The following ZNRF2 variants were observed in gnomAD, a reference collection of about 807,000 sequenced individuals.
ZNRF2 encodes E3 ubiquitin-protein ligase ZNRF2.
A neutral mutation model predicts 20.4 loss-of-function variants in ZNRF2; 16 were observed. The observed-to-expected ratio is 0.79, with a 90% CI of 0.53 to 1.19. The LOEUF (loss-of-function observed/expected upper bound fraction) is 1.19. ZNRF2 is among the 50% of genes most tolerant of loss of function. The pLI is 0.00. For missense variants in ZNRF2, 363 were observed against 332.4 expected (o/e 1.09, Z -0.72); for synonymous variants, 178 against 144.9 (o/e 1.23, Z -1.64).
rs1230389893 is a variant in ZNRF2 at position 30,366,827 on chromosome 7, T to C, written c.*815T>C. 1.3e-5 allele frequency: 2 copies of C among 152,562 alleles called. No individual in the cohort carries two copies. Among genetic ancestry groups the C allele is most frequent in the African/African-American group, 4.8e-5 (2 of 41,450 alleles). 9.5% of individuals were successfully genotyped at this position (152,562 alleles called of 1,614,324 possible). A position where few individuals can be genotyped will look rare whatever the true frequency, so the allele number is the denominator to read the frequency against. On this transcript the variant is annotated 3_prime_UTR_variant, in exon 5 of 5. Coordinates refer to ENST00000323037, the MANE Select transcript of ZNRF2 (RefSeq NM_147128.4). ...TCAGCAGTGAATCATCTTGCAGCTA[T>C]GCAATTTAAAAAAAATACAGATTAC...
intron 1 of ZNRF2, among the ~76,000 whole-genome samples, chr7:30,291,391 C>A (rs1177595199): frequency 5.3e-5 from 8 of 152,208 alleles, no homozygotes; most frequent in African/African-American, 1.2e-4. Flanking sequence ...GTGCAGACTT[C>A]AGGCTGTATG....
intron 3 of ZNRF2, among the ~76,000 whole-genome samples, chr7:30,358,546 C>T (rs1483468559): frequency 6.6e-6 from 1 of 152,168 alleles, no homozygotes; most frequent in Non-Finnish European, 1.5e-5. Context: ...GTTCATGTAA[C>T]TTGACAAGTT....
At chr7:30,290,707 A>G (rs1798884955) in intron 1 of ZNRF2, among the ~76,000 whole-genome samples, 2 of 152,264 alleles carry the variant, frequency 1.3e-5, no homozygotes, top group African/African-American at 4.8e-5. Context: ...CAGGAAGTGT[A>G]GGAATCAAGA....
intron 2 of ZNRF2, among the ~76,000 whole-genome samples, chr7:30,336,892 ATGTG>A (rs1052614118): frequency 6.6e-6 from 1 of 152,114 alleles, no homozygotes; most frequent in African/African-American, 2.4e-5. Flanking sequence ...ATGGACATGT[ATGTG>A]TGTATATATG....
At position 30,290,833 on chromosome 7, in the gene ZNRF2, G is replaced by C. The variant is rs575689894; in HGVS notation, c.469+5007G>C. 5.3e-5 allele frequency among the ~76,000 whole-genome samples: 8 copies of C among 152,230 alleles called. No individual in the cohort carries two copies. In the East Asian group the frequency reaches 1.5e-3, roughly 29 times the overall value. ...TTTAAAAAGTTGTACTAATGCATAT[G>C]GTTAAGTATAGCATTAATAAACATG... On this transcript the variant is annotated intron_variant, in intron 1 of 4. Coordinates refer to ENST00000323037, the MANE Select transcript of ZNRF2 (RefSeq NM_147128.4).
chr7:30,314,463 A>G (rs1799336452), intron 1 of ZNRF2, among the ~76,000 whole-genome samples: 1 of 152,218 alleles, frequency 6.6e-6, no homozygotes, highest in African/African-American at 2.4e-5. Flanking sequence ...TGATCTAGAC[A>G]GTAAAGCATG....
rs989280217 is a variant in ZNRF2 at position 30,367,492 on chromosome 7, ATCTT to A, written c.*1486_*1489del. 1.3e-5 allele frequency: 2 copies of A among 152,066 alleles called. No individual in the cohort carries two copies. The highest frequency in any genetic ancestry group is 4.8e-5 in the African/African-American group (2 of 41,376). 9.4% of individuals were successfully genotyped at this position (152,066 alleles called of 1,614,324 possible). A position where few individuals can be genotyped will look rare whatever the true frequency, so the allele number is the denominator to read the frequency against. The stretch of plus-strand genomic sequence containing the variant: ...CAGTAAGTACTGTTTCCTTATTTTA[ATCTT>A]TCTTTACTCATAATGTATTTAAGAA... On this transcript the variant is annotated 3_prime_UTR_variant, in exon 5 of 5. Transcript: ENST00000323037.
chr7:30,343,147 T>C (rs1348140274), intron 2 of ZNRF2, among the ~76,000 whole-genome samples: 1 of 152,088 alleles, frequency 6.6e-6, no homozygotes, highest in Non-Finnish European at 1.5e-5. Context: ...ACCGTATCTC[T>C]ATTTAAAAAA....
intron 3 of ZNRF2, among the ~76,000 whole-genome samples, chr7:30,356,424 T>C (rs1027665731): frequency 7.9e-5 from 12 of 152,050 alleles, no homozygotes; most frequent in African/African-American, 2.9e-4. Flanking sequence ...GATACAAAAA[T>C]ATATCCAAAT....
chr7:30,361,711 C>T (rs1463722005), intron 3 of ZNRF2, among the ~76,000 whole-genome samples: 1 of 152,100 alleles, frequency 6.6e-6, no homozygotes, highest in African/African-American at 2.4e-5. Flanking sequence ...GACTGAGGAA[C>T]TGGATTTTTT....
chr7:30,355,915 C>T (rs144892006), intron 3 of ZNRF2, 82 bp downstream of exon 3: 14 of 959,182 alleles, frequency 1.5e-5, no homozygotes, highest in African/African-American at 9.8e-5. Flanking sequence ...AAGGAATCTT[C>T]GTTGAAACCA....
intron 1 of ZNRF2, among the ~76,000 whole-genome samples, chr7:30,316,025 A>G (rs1354983749): frequency 6.6e-6 from 1 of 152,136 alleles, no homozygotes; most frequent in Non-Finnish European, 1.5e-5. Flanking sequence ...GCTGTGGCTC[A>G]CACCTGTAAT....
chr7:30,302,242 C>G (rs963881297), intron 1 of ZNRF2, among the ~76,000 whole-genome samples: 1 of 152,170 alleles, frequency 6.6e-6, no homozygotes, highest in Non-Finnish European at 1.5e-5. Flanking sequence ...TAAACCCAAG[C>G]TGCACATGGC....
chr7:30,337,191 C>T (rs1174710994), intron 2 of ZNRF2, among the ~76,000 whole-genome samples: 1 of 152,066 alleles, frequency 6.6e-6, no homozygotes, highest in Non-Finnish European at 1.5e-5. Flanking sequence ...ATGTTCTTTT[C>T]GGATTGAATC....
intron 2 of ZNRF2, among the ~76,000 whole-genome samples, chr7:30,331,788 TG>T (rs1376704634): frequency 6.6e-6 from 1 of 152,024 alleles, no homozygotes; most frequent in Non-Finnish European, 1.5e-5. Context: ...AAGAGAAAAA[TG>T]TTATTGTAAC....
At chr7:30,327,415 A>G (rs1799571009) in intron 2 of ZNRF2, among the ~76,000 whole-genome samples, 1 of 152,074 alleles carries the variant, frequency 6.6e-6, no homozygotes, top group Non-Finnish European at 1.5e-5. Flanking sequence ...TCCTTTCCCC[A>G]TTGCTTGTTT....
chr7:30,343,676 G>A (rs1799832724), intron 2 of ZNRF2, among the ~76,000 whole-genome samples: 1 of 146,512 alleles, frequency 6.8e-6, no homozygotes, highest in Admixed American at 6.8e-5. Flanking sequence ...GTTTGTATTT[G>A]CCTGATAAGT....
intron 2 of ZNRF2, among the ~76,000 whole-genome samples, chr7:30,326,399 G>C (rs1006264032): frequency 3.9e-5 from 6 of 152,186 alleles, no homozygotes; most frequent in Non-Finnish European, 8.8e-5. Context: ...TTGCTTTTCT[G>C]TTCCTGTGTG....
intron 1 of ZNRF2, among the ~76,000 whole-genome samples, chr7:30,318,129 C>T (rs185442616): frequency 1.3e-5 from 2 of 152,150 alleles, no homozygotes; most frequent in Admixed American, 6.5e-5. Context: ...CTTGGAGTGC[C>T]GGCTTTGGAT....
Sources: gnomAD v4.1 joint callset for allele counts (sites outside exome capture counted in the v4.1 genomes callset) on GRCh38, gnomAD v4.1.1 for gene constraint, MANE v1.5 for transcripts, NCBI Gene and HGNC (gene_info 2026-07-23, HGNC 2026-07-21) for gene names.